Variants in RARB observed in about 807,000 individuals in gnomAD.
The protein encoded by RARB is retinoic acid receptor beta.
Under a neutral mutation model 51.9 loss-of-function variants are expected in RARB, and 17 were observed. The ratio of observed to expected loss-of-function variants is 0.33; its 90% confidence interval spans 0.22 to 0.49. The LOEUF (loss-of-function observed/expected upper bound fraction) is 0.49, where lower values mean the gene tolerates loss of function less well. Among genes scored for constraint, RARB ranks in the 20% least tolerant of loss-of-function variants. The probability of loss-of-function intolerance (pLI) is 0.99; values close to 1 mark genes in which losing one functional copy is unlikely to be tolerated. For missense variants in RARB, 369 were observed against 550.8 expected (o/e 0.67, Z 3.30); for synonymous variants, 215 against 195.4 (o/e 1.10, Z -0.84).
At chr3:25,108,676 T>C (rs2125324432) in intron 3 of RARB, among the ~76,000 whole-genome samples, 1 of 152,320 alleles carries the variant, frequency 6.6e-6, no homozygotes, top group East Asian at 1.9e-4. Flanking sequence ...ATGGTGTTTT[T>C]GTATAGAGAG....
chr3:25,495,228 A>G (rs547834411), intron 2 of RARB, among the ~76,000 whole-genome samples: 41 of 152,318 alleles, frequency 2.7e-4, no homozygotes, highest in Middle Eastern at 6.8e-3. Context: ...AATCTAAAGC[A>G]ATAGTTTGAG....
chr3:24,902,042 C>T (rs1039086639), intron 2 of RARB, among the ~76,000 whole-genome samples: 3 of 151,420 alleles, frequency 2.0e-5, no homozygotes, highest in South Asian at 2.1e-4. Context: ...TGAAAACATA[C>T]ATAAGGAAAG....
At chr3:24,935,957 ATATGT>A (rs1214492779) in intron 2 of RARB, among the ~76,000 whole-genome samples, 4 of 152,128 alleles carry the variant, frequency 2.6e-5, no homozygotes, top group Admixed American at 2.6e-4. Flanking sequence ...TTGTTTCATG[ATATGT>A]TAGGAAAATG....
At position 25,100,394 on chromosome 3, in the gene RARB, A is replaced by T. The variant is rs143685527; in HGVS notation, c.-327-31767A>T. On this transcript the variant is annotated intron_variant, in intron 3 of 11. Transcript: ENST00000383772. ...CAGAGACCAGGAAGAAGTGTGTTCT[A>T]GATATAGAATTTATTTGAAGGCTAG... Among the ~76,000 whole-genome samples the T allele has an allele frequency of 5.0e-4, 76 of 152,308 alleles. No individual in the cohort carries two copies. In the East Asian group the frequency reaches 0.012, roughly 23 times the overall value.
At chr3:25,469,789 T>A (rs898175337) in intron 2 of RARB, among the ~76,000 whole-genome samples, 1 of 152,204 alleles carries the variant, frequency 6.6e-6, no homozygotes, top group African/African-American at 2.4e-5. Flanking sequence ...ATAATAGGGA[T>A]GTAACTGGCT....
intron 3 of RARB, among the ~76,000 whole-genome samples, chr3:25,568,071 C>T (rs1700569913): frequency 6.6e-6 from 1 of 152,146 alleles, no homozygotes; most frequent in South Asian, 2.1e-4. Flanking sequence ...ACAGAGGTCT[C>T]GAGGGGCCAG....
chr3:25,352,328 C>G (rs1317164882), intron 5 of RARB: 3 of 152,158 alleles, frequency 2.0e-5, no homozygotes, highest in Non-Finnish European at 2.9e-5. Flanking sequence ...CTAACCAGGG[C>G]CAACCCTGCT....
chr3:25,109,439 G>A (rs1423302838), intron 3 of RARB, among the ~76,000 whole-genome samples: 1 of 152,144 alleles, frequency 6.6e-6, no homozygotes, highest in African/African-American at 2.4e-5. Flanking sequence ...ATAATAAGTA[G>A]TAGGAACTGT....
intron 2 of RARB, among the ~76,000 whole-genome samples, chr3:24,917,717 G>T (rs1695135403): frequency 6.6e-6 from 1 of 152,246 alleles, no homozygotes; most frequent in Non-Finnish European, 1.5e-5. Context: ...ACTAGAGACG[G>T]GGTTTTACCA....
chr3:25,509,264 A>C (rs1230857122), intron 3 of RARB, among the ~76,000 whole-genome samples: 4 of 152,188 alleles, frequency 2.6e-5, no homozygotes, highest in Non-Finnish European at 5.9e-5. Context: ...GAAATGTTGC[A>C]GGATTGTTTT....
At chr3:25,189,006 CAAG>C (rs1701039399) in intron 5 of RARB, among the ~76,000 whole-genome samples, 1 of 152,076 alleles carries the variant, frequency 6.6e-6, no homozygotes. Context: ...AAGTCTAACC[CAAG>C]AAGAGGAGTC....
At position 25,151,885 on chromosome 3, in the gene RARB, GTT is replaced by G. The variant is rs1175773866; in HGVS notation, c.-280+19680_-280+19681del. Among the ~76,000 whole-genome samples, 4 of 150,904 alleles carry G rather than the reference GTT, an allele frequency of 2.7e-5. No homozygotes were observed. The East Asian group carries it at 7.9e-4, about 30-fold the overall frequency. On this transcript the variant is annotated intron_variant, in intron 4 of 11. Coordinates refer to the RARB transcript ENST00000383772. ...TTCTTCACTTCAGCTACTGTTAACT[GTT>G]TTATTGTTTAATTAAATCCCTTTTT...
intron 2 of RARB, among the ~76,000 whole-genome samples, chr3:24,919,508 C>G (rs745483967): frequency 6.6e-6 from 1 of 152,152 alleles, no homozygotes; most frequent in Non-Finnish European, 1.5e-5. Flanking sequence ...GTTTCTGTAC[C>G]TCACTTCCAT....
intron 5 of RARB, among the ~76,000 whole-genome samples, chr3:25,301,741 CT>C (rs1181091973): frequency 4.6e-5 from 7 of 152,146 alleles, no homozygotes. Flanking sequence ...ATCTGAGGCT[CT>C]TGCGGTGGCA....
intron 2 of RARB, among the ~76,000 whole-genome samples, chr3:24,951,535 T>C (rs953351624): frequency 2.0e-5 from 3 of 152,210 alleles, no homozygotes; most frequent in African/African-American, 7.2e-5. Flanking sequence ...TTGGTGTTCC[T>C]AGTGACAAAG....
intron 2 of RARB, among the ~76,000 whole-genome samples, chr3:24,983,981 T>G (rs1559422390): frequency 6.6e-6 from 1 of 152,228 alleles, no homozygotes; most frequent in Admixed American, 6.5e-5. Context: ...CTATTTAGTT[T>G]ACATTTTTTA....
chr3:25,116,335 A>T (rs1699686587), intron 3 of RARB, among the ~76,000 whole-genome samples: 1 of 152,184 alleles, frequency 6.6e-6, no homozygotes, highest in South Asian at 2.1e-4. Context: ...AAGTCAAAGT[A>T]ATCAGCCACC....
At position 25,396,667 on chromosome 3, in the gene RARB, T is replaced by G. The variant is rs191610496; in HGVS notation, c.179-64526T>G. Reference sequence around the variant, plus strand: ...AAAAACCATCAGGTTAGGGCAGGGTTAGGTGTGTCTGAGCTCAGACTCTCT... The same window carrying G: ...AAAAACCATCAGGTTAGGGCAGGGTGAGGTGTGTCTGAGCTCAGACTCTCT... On this transcript the variant is annotated intron_variant, in intron 5 of 11. Coordinates refer to the RARB transcript ENST00000383772. Among the ~76,000 whole-genome samples, 513 of 152,200 alleles carry G rather than the reference T, an allele frequency of 3.4e-3. 4 individuals are homozygous for G. The highest frequency in any genetic ancestry group is 0.012 in the African/African-American group (495 of 41,522).
At position 25,227,588 on chromosome 3, in the gene RARB, A is replaced by C. The variant is rs146625541; in HGVS notation, c.178+53013A>C. 2.7e-3 allele frequency among the ~76,000 whole-genome samples: 416 copies of C among 152,298 alleles called. 2 individuals carry two copies. Among genetic ancestry groups the C allele is most frequent in the African/African-American group, 9.6e-3 (401 of 41,566 alleles). On this transcript the variant is annotated intron_variant, in intron 5 of 11. Transcript: ENST00000383772. ...GCTGTGGAAGATGAAGAAAGTAGCTACAAGTTACCCACTTAATACTTCTCC... is the reference window on the plus strand; with the variant it reads ...GCTGTGGAAGATGAAGAAAGTAGCTCCAAGTTACCCACTTAATACTTCTCC...
Sources: gnomAD v4.1 joint callset for allele counts (sites outside exome capture counted in the v4.1 genomes callset) on GRCh38, gnomAD v4.1.1 for gene constraint, MANE v1.5 for transcripts, NCBI Gene and HGNC (gene_info 2026-07-23, HGNC 2026-07-21) for gene names.